Variants in ARHGAP32 observed in about 807,000 individuals in gnomAD.
The protein encoded by ARHGAP32 is Rho GTPase activating protein 32, also known as rho GTPase-activating protein 32.
Under a neutral mutation model 186.5 loss-of-function variants are expected in ARHGAP32, and 51 were observed. The observed-to-expected ratio is 0.27, with a 90% CI of 0.22 to 0.35. The LOEUF (loss-of-function observed/expected upper bound fraction) is 0.35, where lower values mean the gene tolerates loss of function less well. ARHGAP32 is among the 10% of genes least tolerant of loss of function. The pLI is 1.00. For missense variants in ARHGAP32, 2,186 were observed against 2,623.5 expected (o/e 0.83, Z 3.64); for synonymous variants, 950 against 964.3 (o/e 0.99, Z 0.27).
intron 1 of ARHGAP32, among the ~76,000 whole-genome samples, chr11:129,185,302 G>C (rs1389928859): frequency 2.0e-5 from 3 of 152,138 alleles, no homozygotes; most frequent in African/African-American, 7.2e-5. Flanking sequence ...GTCCTTTGTA[G>C]GGACATGGAT....
At chr11:128,982,762 T>C (rs1945745054) in intron 15 of ARHGAP32, among the ~76,000 whole-genome samples, 1 of 151,594 alleles carries the variant, frequency 6.6e-6, no homozygotes, top group South Asian at 2.1e-4. Context: ...TGGTGGTGCA[T>C]GCCTGTAGTG....
intron 6 of ARHGAP32, among the ~76,000 whole-genome samples, chr11:129,089,656 C>T (rs193104903): frequency 1.9e-4 from 29 of 152,294 alleles, no homozygotes; most frequent in Admixed American, 1.8e-3. Context: ...TTGGGTTTAG[C>T]TCCACATGCA....
Position 129,063,965 on chromosome 11 carries a change from A to G in ARHGAP32, c.822T>C (p.Ala274=), listed in dbSNP as rs371890205. 48 of 1,612,916 alleles carry G rather than the reference A, an allele frequency of 3.0e-5. No homozygotes were observed. The highest frequency in any genetic ancestry group is 3.7e-5 in the Non-Finnish European group (44 of 1,179,314). Reference sequence around the variant, plus strand: ...TCTTGATAACATGGGCAGCACCGACAGCAGGAGTGTTGATGGATGACTCCT... The same window carrying G: ...TCTTGATAACATGGGCAGCACCGACGGCAGGAGTGTTGATGGATGACTCCT... ...VHEESSINTP[A]VGAAHVIKRY... The change falls in exon 9 of 23, where the codon GCT becomes GCC. Residue 274 remains alanine (A), a synonymous_variant. Coordinates refer to ENST00000682385, the MANE Select transcript of ARHGAP32 (RefSeq NM_001378024.1).
At chr11:129,205,200 G>T (rs2135582147) in intron 1 of ARHGAP32, among the ~76,000 whole-genome samples, 1 of 152,082 alleles carries the variant, frequency 6.6e-6, no homozygotes, top group African/African-American at 2.4e-5. Context: ...TATCATCTCT[G>T]GGGCTTTTTA....
intron 12 of ARHGAP32, among the ~76,000 whole-genome samples, 186 bp downstream of exon 12, chr11:128,998,133 A>G (rs1946252454): frequency 6.6e-6 from 1 of 152,216 alleles, no homozygotes; most frequent in Non-Finnish European, 1.5e-5. Context: ...TCTAATGCCA[A>G]AGTGCATTCT....
intron 11 of ARHGAP32, among the ~76,000 whole-genome samples, chr11:129,022,076 C>G (rs1451822083): frequency 1.3e-5 from 2 of 152,006 alleles, no homozygotes; most frequent in South Asian, 4.1e-4. Flanking sequence ...AAAGCTAGTA[C>G]TATCTCAGGA....
intron 18 of ARHGAP32, among the ~76,000 whole-genome samples, chr11:128,980,222 C>G (rs1156912792): frequency 6.6e-6 from 1 of 152,242 alleles, no homozygotes; most frequent in African/African-American, 2.4e-5. Context: ...TCCAACACAG[C>G]TTATTTCTAA....
At chr11:129,244,637 A>G (rs1052004361) in intron 1 of ARHGAP32, among the ~76,000 whole-genome samples, 6 of 151,930 alleles carry the variant, frequency 3.9e-5, no homozygotes, top group Admixed American at 2.0e-4. Flanking sequence ...CAGCAAAAGA[A>G]ACTACCATCA....
At chr11:128,999,961 C>T (rs1321788557) in intron 11 of ARHGAP32, among the ~76,000 whole-genome samples, 1 of 152,118 alleles carries the variant, frequency 6.6e-6, no homozygotes, top group African/African-American at 2.4e-5. Context: ...GTTTGCATTT[C>T]TTGTCAATTT....
intron 5 of ARHGAP32, among the ~76,000 whole-genome samples, chr11:129,118,382 T>C (rs965525952): frequency 2.0e-5 from 3 of 151,948 alleles, no homozygotes; most frequent in Non-Finnish European, 4.4e-5. Flanking sequence ...GGAAAGTTTA[T>C]GCTTAGAAAT....
intron 2 of ARHGAP32, among the ~76,000 whole-genome samples, chr11:129,136,321 A>ACCTTTGGTGGGAAATCCC (rs1942935281): frequency 6.6e-6 from 1 of 152,164 alleles, no homozygotes; most frequent in Non-Finnish European, 1.5e-5. Flanking sequence ...CATGTATAAA[A>ACCTTTGGTGGGAAATCCC]ACAACGATTA....
upstream of ARHGAP32, among the ~76,000 whole-genome samples, chr11:129,193,211 C>T (rs1014432060): frequency 2.0e-5 from 3 of 148,286 alleles, no homozygotes; most frequent in Non-Finnish European, 4.4e-5. Context: ...GTGGCTCACG[C>T]CTGTAATCCC....
intron 5 of ARHGAP32, among the ~76,000 whole-genome samples, chr11:129,119,161 T>C (rs573171254): frequency 4.6e-5 from 7 of 152,088 alleles, no homozygotes; most frequent in Admixed American, 3.9e-4. Flanking sequence ...GAAGGAACAT[T>C]AGCTGTCACC....
At chr11:129,073,974 A>G (rs1368650410) in intron 6 of ARHGAP32, among the ~76,000 whole-genome samples, 1 of 152,226 alleles carries the variant, frequency 6.6e-6, no homozygotes, top group African/African-American at 2.4e-5. Context: ...CCAGCAACCT[A>G]GAATTCCATA....
intron 1 of ARHGAP32, among the ~76,000 whole-genome samples, chr11:129,257,823 T>G (rs1288382484): frequency 6.6e-6 from 1 of 152,094 alleles, no homozygotes; most frequent in African/African-American, 2.4e-5. Flanking sequence ...AAAGCATTAT[T>G]TGCTATTCAT....
intron 2 of ARHGAP32, among the ~76,000 whole-genome samples, chr11:129,138,107 T>C (rs1565440380): frequency 1.3e-5 from 2 of 151,914 alleles, no homozygotes; most frequent in South Asian, 2.1e-4. Flanking sequence ...TTTTAAAAGC[T>C]GCCAAGACAA....
chr11:129,032,685 T>G (rs1456058955), intron 11 of ARHGAP32, among the ~76,000 whole-genome samples: 1 of 152,234 alleles, frequency 6.6e-6, no homozygotes, highest in Non-Finnish European at 1.5e-5. Context: ...TTCCAACATT[T>G]GTGTATTAAA....
chr11:129,031,018 GCAGATGCCAGTGCCATGCTTCCTGGA>G lies in ARHGAP32; in HGVS notation c.1045+9884_1045+9909del, dbSNP rs1446826637. On this transcript the variant is annotated intron_variant, in intron 11 of 22. Transcript: ENST00000682385. ...TCCCTGAGGCCTTTCTAGAAGCCGAGCAGATGCCAGTGCCATGCTTCCTGGACAGCCTGCAGAACTGTGAGCCAATT... is the reference window on the plus strand; with the variant it reads ...TCCCTGAGGCCTTTCTAGAAGCCGAGCAGCCTGCAGAACTGTGAGCCAATT... Among the ~76,000 whole-genome samples, 79 of 152,286 alleles carry G rather than the reference GCAGATGCCAGTGCCATGCTTCCTGGA, an allele frequency of 5.2e-4. 1 individual carries two copies. Among genetic ancestry groups the G allele is most frequent in the African/African-American group, 1.7e-3 (72 of 41,566 alleles).
chr11:129,010,545 C>T (rs1276879752), intron 11 of ARHGAP32, among the ~76,000 whole-genome samples: 2 of 152,092 alleles, frequency 1.3e-5, no homozygotes, highest in African/African-American at 2.4e-5. Flanking sequence ...TTATTAAATA[C>T]GGAATACCTT....
Sources: gnomAD v4.1 joint callset for allele counts (sites outside exome capture counted in the v4.1 genomes callset) on GRCh38, gnomAD v4.1.1 for gene constraint, MANE v1.5 for transcripts, NCBI Gene and HGNC (gene_info 2026-07-23, HGNC 2026-07-21) for gene names.